Variants in SLC25A26 observed in about 807,000 individuals in gnomAD.
SLC25A26 encodes solute carrier family 25 member 26, also known as mitochondrial S-adenosylmethionine carrier protein.
In SLC25A26, 36 loss-of-function variants were observed where a neutral mutation model predicts 37.8. The observed-to-expected ratio is 0.95, with a 90% CI of 0.73 to 1.26. The LOEUF is 1.26. Among genes scored for constraint, SLC25A26 ranks in the 50% most tolerant of loss-of-function variants. SLC25A26 has a pLI of 0.00. For synonymous variants in SLC25A26, 129 were observed against 122.5 expected (o/e 1.05, Z -0.35); for missense variants, 390 against 331.1 (o/e 1.18, Z -1.38).
At chr3:66,204,268 A>G (rs1271574494) in intron 1 of SLC25A26, among the ~76,000 whole-genome samples, 1 of 151,952 alleles carries the variant, frequency 6.6e-6, no homozygotes, top group Non-Finnish European at 1.5e-5. Flanking sequence ...TGCTTAAAAT[A>G]CAAAAAAATT....
At chr3:66,295,861 C>T (rs2074885580) in intron 5 of SLC25A26, among the ~76,000 whole-genome samples, 1 of 151,852 alleles carries the variant, frequency 6.6e-6, no homozygotes, top group African/African-American at 2.4e-5. Context: ...TGGCTCACGC[C>T]TGTAATCCCA....
chr3:66,166,522 A>T (rs542470515), intron 1 of SLC25A26, among the ~76,000 whole-genome samples: 17 of 152,206 alleles, frequency 1.1e-4, no homozygotes, highest in Non-Finnish European at 2.2e-4. Context: ...TACAATTTAC[A>T]CCTTATCTGT....
chr3:66,183,362 C>T (rs1470716584), intron 1 of SLC25A26, among the ~76,000 whole-genome samples: 2 of 152,014 alleles, frequency 1.3e-5, no homozygotes, highest in Non-Finnish European at 2.9e-5. Context: ...TTCTCACCCT[C>T]ACAATGAACT....
chr3:66,308,002 T>A (rs181311532), intron 5 of SLC25A26, among the ~76,000 whole-genome samples: 140 of 152,310 alleles, frequency 9.2e-4, no homozygotes, highest in African/African-American at 3.1e-3. Flanking sequence ...TGGTTCCATA[T>A]GAAATTTAAA....
chr3:66,298,971 T>G (rs1175970062), intron 5 of SLC25A26, among the ~76,000 whole-genome samples: 1 of 152,204 alleles, frequency 6.6e-6, no homozygotes, highest in African/African-American at 2.4e-5. Flanking sequence ...AAAAACTCAC[T>G]TGAAGGTGCC....
chr3:66,329,227 A>G (rs961005458), intron 5 of SLC25A26, among the ~76,000 whole-genome samples: 8 of 152,142 alleles, frequency 5.3e-5, no homozygotes, highest in Admixed American at 1.3e-4. Flanking sequence ...TTCATATTTA[A>G]TTTGCATGCA....
At chr3:66,134,810 T>A (rs2069922427) in intron 1 of SLC25A26, among the ~76,000 whole-genome samples, 2 of 150,418 alleles carry the variant, frequency 1.3e-5, no homozygotes, top group Admixed American at 1.3e-4. Flanking sequence ...CCTTTGTCAA[T>A]ATTTCTTTTC....
At chr3:66,282,239 C>T (rs995421720) in intron 5 of SLC25A26, among the ~76,000 whole-genome samples, 3 of 151,822 alleles carry the variant, frequency 2.0e-5, no homozygotes, top group Non-Finnish European at 4.4e-5. Context: ...TCTCGATCTC[C>T]TGACCTCATG....
chr3:66,304,082 T>C (rs761661719), intron 5 of SLC25A26, among the ~76,000 whole-genome samples: 1 of 152,232 alleles, frequency 6.6e-6, no homozygotes, highest in East Asian at 1.9e-4. Context: ...CTGGTTTTTC[T>C]AAGAACTCAC....
At chr3:66,249,615 T>A (rs57687925) in intron 3 of SLC25A26, among the ~76,000 whole-genome samples, 5,631 of 152,360 alleles carry the variant, frequency 0.037, 366 homozygotes, top group African/African-American at 0.13. Flanking sequence ...TGACAACTTT[T>A]GAAATGTATT....
chr3:66,147,900 A>C (rs1251187341), intron 1 of SLC25A26, among the ~76,000 whole-genome samples: 1 of 152,152 alleles, frequency 6.6e-6, no homozygotes, highest in Admixed American at 6.5e-5. Context: ...CTGGGATTAC[A>C]GGCGTGTACC....
rs774142915 is a variant in SLC25A26, at chr3:66,263,396, C to G, written c.453+17C>G. 7 of 1,560,468 alleles carry G rather than the reference C, an allele frequency of 4.5e-6. 1 individual carries two copies. In the South Asian group the frequency reaches 6.8e-5, roughly 15 times the overall value. ...TTAAGAGAGGTAAGTCACTTACTTT[C>G]CAATATTGAAGTACGAAAGAATGAT... is the stretch of plus-strand genomic sequence containing the variant. On this transcript the variant is annotated intron_variant, in intron 5 of 9. Transcript: ENST00000354883.
At chr3:66,305,552 C>T (rs1184513159) in intron 5 of SLC25A26, among the ~76,000 whole-genome samples, 1 of 152,116 alleles carries the variant, frequency 6.6e-6, no homozygotes, top group Non-Finnish European at 1.5e-5. Flanking sequence ...CACCTGTCAA[C>T]CCATCACCTT....
At chr3:66,151,484 G>GA (rs1252649273) in intron 1 of SLC25A26, among the ~76,000 whole-genome samples, 1 of 152,070 alleles carries the variant, frequency 6.6e-6, no homozygotes, top group Non-Finnish European at 1.5e-5. Flanking sequence ...CGGTTCAAGG[G>GA]AAAAAAATAA....
chr3:66,279,984 G>T (rs1270809970), intron 5 of SLC25A26, among the ~76,000 whole-genome samples: 1 of 152,178 alleles, frequency 6.6e-6, no homozygotes, highest in African/African-American at 2.4e-5. Flanking sequence ...AATAGTATCT[G>T]TGTTCACAGT....
intron 1 of SLC25A26, among the ~76,000 whole-genome samples, chr3:66,193,469 A>C (rs2106795776): frequency 6.6e-6 from 1 of 152,272 alleles, no homozygotes; most frequent in African/African-American, 2.4e-5. Context: ...CATGGAGTGA[A>C]ATTCACCCTT....
rs539989645 is a variant in SLC25A26, at chr3:66,171,482, C to G, written c.-354+37498C>G. On this transcript the variant is annotated intron_variant, in intron 1 of 10. Coordinates refer to the SLC25A26 transcript ENST00000676754. ...TGTTCTATTGCTTGCAATGAAGGAC[C>G]CTGAGATTTTTCTTTTCTTTTTTTT... Among the ~76,000 whole-genome samples, 171 of 152,118 alleles carry G rather than the reference C, an allele frequency of 1.1e-3. 1 individual carries two copies. In the South Asian group the frequency reaches 0.032, roughly 28 times the overall value.
chr3:66,267,644 G>A (rs376573345), intron 5 of SLC25A26, among the ~76,000 whole-genome samples: 29 of 152,194 alleles, frequency 1.9e-4, no homozygotes, highest in African/African-American at 6.0e-4. Flanking sequence ...GTTTCTTTTC[G>A]GTAGATGCTA....
At chr3:66,220,578 T>G (rs1224152795), upstream of SLC25A26, among the ~76,000 whole-genome samples, 1 of 152,200 alleles carries the variant, frequency 6.6e-6, no homozygotes, top group Non-Finnish European at 1.5e-5. Context: ...AATCTTCTGA[T>G]AATGAGTTAA....
Sources: gnomAD v4.1 joint callset for allele counts (sites outside exome capture counted in the v4.1 genomes callset) on GRCh38, gnomAD v4.1.1 for gene constraint, MANE v1.5 for transcripts, NCBI Gene and HGNC (gene_info 2026-07-23, HGNC 2026-07-21) for gene names.